Variants in KCNG2 observed in about 807,000 individuals in gnomAD.
KCNG2 encodes the protein voltage-gated potassium channel regulatory subunit KCNG2.
A neutral mutation model predicts 12.3 loss-of-function variants in KCNG2; 7 were observed. The observed-to-expected ratio is 0.57, with a 90% CI of 0.32 to 1.07. The LOEUF (loss-of-function observed/expected upper bound fraction) is 1.07. Ranked by LOEUF, KCNG2 falls within the 50% of genes least tolerant of loss-of-function variation. The pLI, the probability that KCNG2 is intolerant of heterozygous loss-of-function variation, is 0.04. For missense variants in KCNG2, 703 were observed against 726.0 expected (o/e 0.97, Z 0.36); for synonymous variants, 414 against 351.4 (o/e 1.18, Z -1.99).
intron 3 of KCNG2, among the ~76,000 whole-genome samples, chr18:79,873,988 A>T (rs891322147): frequency 6.6e-6 from 1 of 152,236 alleles, no homozygotes; most frequent in Non-Finnish European, 1.5e-5. Flanking sequence ...GGTCATCCCG[A>T]GGACAGCTGC....
chr18:79,800,912 TTA>T lies in KCNG2; in HGVS notation c.-115+2900_-115+2901del, dbSNP rs2122984156. 6.6e-6 allele frequency among the ~76,000 whole-genome samples: 1 copy of T among 152,350 alleles called. No homozygotes were observed. Among genetic ancestry groups the T allele is most frequent in the Non-Finnish European group, 1.5e-5 (1 of 68,034 alleles). ...ACTCATGGAATTGCTAACAGAAATCTTATCAACAGCAGGTTCAGCCTTTTCAC... is the reference window on the plus strand; with the variant it reads ...ACTCATGGAATTGCTAACAGAAATCTTCAACAGCAGGTTCAGCCTTTTCAC... On this transcript the variant is annotated intron_variant, in intron 1 of 3. Transcript: ENST00000316249. The surrounding 1 kb of genome is among the most constrained non-coding windows in gnomAD (Gnocchi z 4.0).
intron 1 of KCNG2, among the ~76,000 whole-genome samples, chr18:79,798,745 G>C (rs1385506118): frequency 6.6e-6 from 1 of 152,232 alleles, no homozygotes; most frequent in Admixed American, 6.5e-5. Context: ...GCGCAGCCCG[G>C]GTCCGGACTG....
At chr18:79,835,493 A>G (rs1978318870) in intron 1 of KCNG2, among the ~76,000 whole-genome samples, 1 of 152,224 alleles carries the variant, frequency 6.6e-6, no homozygotes, top group Admixed American at 6.5e-5. Context: ...ATAAAATAAA[A>G]CCAAATGGGA....
At chr18:79,840,133 A>G (rs1256357493) in intron 1 of KCNG2, among the ~76,000 whole-genome samples, 1 of 152,210 alleles carries the variant, frequency 6.6e-6, no homozygotes, top group African/African-American at 2.4e-5. Context: ...TGGGTAATAA[A>G]ATGAAATAAA....
intron 2 of KCNG2, among the ~76,000 whole-genome samples, chr18:79,857,668 G>A (rs934541592): frequency 1.4e-4 from 21 of 152,014 alleles, no homozygotes; most frequent in East Asian, 3.9e-4. Flanking sequence ...AGGGCTTGAC[G>A]TTGGCGGTGG....
At chr18:79,842,790 A>G (rs573055819) in intron 1 of KCNG2, among the ~76,000 whole-genome samples, 8 of 152,324 alleles carry the variant, frequency 5.3e-5, no homozygotes, top group Non-Finnish European at 1.5e-5. Context: ...AATCTCAAAG[A>G]TAGGACATTT....
chr18:79,845,908 A>G (rs1390111074), intron 1 of KCNG2, among the ~76,000 whole-genome samples: 1 of 151,008 alleles, frequency 6.6e-6, no homozygotes, highest in Non-Finnish European at 1.5e-5. Context: ...AATACAGTGA[A>G]ACCCCGTCTC....
At chr18:79,897,716 CCTGGGCCTGT>C (rs1981028914) in intron 3 of KCNG2, among the ~76,000 whole-genome samples, 5 of 152,002 alleles carry the variant, frequency 3.3e-5, no homozygotes, top group Admixed American at 3.3e-4. Context: ...TAGTCCCCAT[CCTGGGCCTGT>C]TATTCACTGG....
intron 3 of KCNG2, among the ~76,000 whole-genome samples, chr18:79,897,532 C>G (rs923481934): frequency 4.6e-5 from 7 of 152,186 alleles, no homozygotes; most frequent in African/African-American, 1.7e-4. Context: ...AAATCTCATT[C>G]AGTTAAATTT....
At chr18:79,850,233 C>G (rs527952160) in intron 1 of KCNG2, among the ~76,000 whole-genome samples, 15 of 152,328 alleles carry the variant, frequency 9.8e-5, no homozygotes, top group African/African-American at 3.1e-4. Context: ...ACAGCCGAAG[C>G]CCCTCCCTCT....
chr18:79,801,498 C>T (rs1315450805), intron 1 of KCNG2, among the ~76,000 whole-genome samples: 3 of 152,362 alleles, frequency 2.0e-5, no homozygotes, highest in Admixed American at 6.5e-5. Flanking sequence ...AAGGAGGGGA[C>T]GCACATGCTG....
intron 1 of KCNG2, among the ~76,000 whole-genome samples, chr18:79,828,641 G>A (rs1278462750): frequency 6.6e-6 from 1 of 151,982 alleles, no homozygotes; most frequent in East Asian, 1.9e-4. Flanking sequence ...ATGTGTCTGT[G>A]TGTATGTCTG....
intron 3 of KCNG2, among the ~76,000 whole-genome samples, chr18:79,890,076 G>A (rs1980692632): frequency 6.6e-6 from 1 of 152,166 alleles, no homozygotes; most frequent in African/African-American, 2.4e-5. Flanking sequence ...ATCCCACTCA[G>A]TCCTGATGTC....
At chr18:79,865,175 TGA>T (rs1311182715) in intron 3 of KCNG2, among the ~76,000 whole-genome samples, 2 of 138,326 alleles carry the variant, frequency 1.4e-5, no homozygotes, top group African/African-American at 2.8e-5. Context: ...GTCTGGCTGC[TGA>T]GAGGTCTGGG....
At chr18:79,852,487 C>T (rs1471908902) in intron 1 of KCNG2, among the ~76,000 whole-genome samples, 1 of 152,268 alleles carries the variant, frequency 6.6e-6, no homozygotes, top group Non-Finnish European at 1.5e-5. Flanking sequence ...GCGGGGGAAG[C>T]GTTCCCTTAG....
At position 79,864,116 on chromosome 18, in the gene KCNG2, T is replaced by G. The variant is rs1283480246; in HGVS notation, c.449T>G (p.Leu150Arg). 8.2e-7 allele frequency: 1 copy of G among 1,212,684 alleles called. No individual in the cohort carries two copies. Among genetic ancestry groups the G allele is most frequent in the African/African-American group, 1.7e-5 (1 of 60,530 alleles). The allele number at this position is 1,212,684 out of a possible 1,614,324, so 75.1% of individuals were successfully genotyped here. A position where few individuals can be genotyped will look rare whatever the true frequency, so the allele number is the denominator to read the frequency against. Reference sequence around the variant, plus strand: ...GCGCAGGGGAGCCCGGCGCGCGCCCTGGGACCTCGGGGGCGGCTGCAGCGC... The same window carrying G: ...GCGCAGGGGAGCCCGGCGCGCGCCCGGGGACCTCGGGGGCGGCTGCAGCGC... ...RGAQGSPARA[L>R]GPRGRLQRGR... The change falls in exon 3 of 4, where the codon CTG (leucine) becomes CGG (arginine). Residue 150 changes from leucine to arginine, a missense_variant. Leu to Arg is a moderately radical substitution (Grantham distance 102). Transcript: ENST00000316249.
At chr18:79,828,977 CTA>C (rs1341311326) in intron 1 of KCNG2, among the ~76,000 whole-genome samples, 9 of 104,670 alleles carry the variant, frequency 8.6e-5, no homozygotes, top group Admixed American at 3.4e-4. Flanking sequence ...ATGTGGGTGT[CTA>C]TGTGTGCGTG....
chr18:79,798,771 AG>A (rs1197493696), intron 1 of KCNG2, among the ~76,000 whole-genome samples: 1 of 152,190 alleles, frequency 6.6e-6, no homozygotes, highest in African/African-American at 2.4e-5. Context: ...ACTGGGGACG[AG>A]AAGGGTCCCT....
intron 1 of KCNG2, among the ~76,000 whole-genome samples, chr18:79,830,555 A>G (rs897041934): frequency 2.6e-5 from 4 of 152,260 alleles, no homozygotes; most frequent in African/African-American, 9.6e-5. Context: ...AAGCAAAGGA[A>G]GGGCCTTTGG....
Sources: gnomAD v4.1 joint callset for allele counts (sites outside exome capture counted in the v4.1 genomes callset) on GRCh38, gnomAD v4.1.1 for gene constraint, Gnocchi (gnomAD v3.1) non-coding constraint, MANE v1.5 for transcripts, NCBI Gene and HGNC (gene_info 2026-07-23, HGNC 2026-07-21) for gene names.